Variants in GNAZ observed in about 807,000 individuals in gnomAD.
The protein encoded by GNAZ is G protein subunit alpha z.
Under a neutral mutation model 25.4 loss-of-function variants are expected in GNAZ, and 3 were observed. The ratio of observed to expected loss-of-function variants is 0.12; its 90% CI spans 0.05 to 0.30. The LOEUF is 0.30. Among genes scored for constraint, GNAZ ranks in the 10% least tolerant of loss-of-function variants. GNAZ has a pLI of 1.00. For synonymous variants in GNAZ, 211 were observed against 205.7 expected (o/e 1.03, Z -0.22); for missense variants, 241 against 501.8 (o/e 0.48, Z 4.97).
intron 1 of GNAZ, among the ~76,000 whole-genome samples, chr22:23,085,025 T>C (rs931324477): frequency 1.3e-5 from 2 of 152,132 alleles, no homozygotes; most frequent in Admixed American, 1.3e-4. Context: ...CACCTGCCAC[T>C]AGGTGGGGAG....
At chr22:23,117,027 G>A (rs769886880) in intron 2 of GNAZ, among the ~76,000 whole-genome samples, 6 of 152,152 alleles carry the variant, frequency 3.9e-5, no homozygotes, top group Admixed American at 1.3e-4. Flanking sequence ...GGATCTGTGC[G>A]CCTCAGCTCC....
Position 23,095,725 on chromosome 22 carries a change from A to G in GNAZ, c.30A>G (p.Lys10=), listed in dbSNP as rs1256269572. MGCRQSSEE[K]EAARRSRRID... is the part of the protein sequence containing the mutation. Reference sequence around the variant, plus strand: ...GATGTCGGCAAAGCTCAGAGGAAAAAGAAGCAGCCCGGCGGTCCCGGAGAA... The same window carrying G: ...GATGTCGGCAAAGCTCAGAGGAAAAGGAAGCAGCCCGGCGGTCCCGGAGAA... The change falls in exon 2 of 3, where the codon AAA becomes AAG. Residue 10 remains lysine, a synonymous_variant. Transcript: ENST00000615612. The G allele has an allele frequency of 6.2e-7, 1 of 1,610,548 alleles. No individual in the cohort carries two copies. The highest frequency in any genetic ancestry group is 8.5e-7 in the Non-Finnish European group (1 of 1,178,868).
At chr22:23,100,052 A>G (rs2069249765) in intron 2 of GNAZ, among the ~76,000 whole-genome samples, 1 of 152,262 alleles carries the variant, frequency 6.6e-6, no homozygotes, top group South Asian at 2.1e-4. Flanking sequence ...CCATTTCCCG[A>G]CGGAGCTGTC....
Position 23,079,662 on chromosome 22 carries a change from G to A in GNAZ, c.-450+9092G>A, listed in dbSNP as rs189112807. Among the ~76,000 whole-genome samples the A allele has an allele frequency of 3.9e-3, 587 of 152,310 alleles. 1 individual carries two copies. Among genetic ancestry groups the A allele is most frequent in the African/African-American group, 0.012 (485 of 41,566 alleles). On this transcript the variant is annotated intron_variant, in intron 1 of 2. Transcript: ENST00000615612. Reference sequence around the variant, plus strand: ...CTGCTGGTGGAGCACAGGGCACAGGGGGCTGGAGACAGCAAGACCAGAGAA... The same window carrying A: ...CTGCTGGTGGAGCACAGGGCACAGGAGGCTGGAGACAGCAAGACCAGAGAA...
intron 1 of GNAZ, among the ~76,000 whole-genome samples, chr22:23,077,985 G>C (rs2068552955): frequency 6.6e-6 from 1 of 152,214 alleles, no homozygotes; most frequent in Admixed American, 6.5e-5. Flanking sequence ...GCCCAGCTCT[G>C]CATGGCATGT....
chr22:23,092,411 C>T (rs998385040), intron 1 of GNAZ, among the ~76,000 whole-genome samples: 1 of 152,126 alleles, frequency 6.6e-6, no homozygotes, highest in African/African-American at 2.4e-5. Flanking sequence ...CAACACAGCC[C>T]CACAGAGCCG....
At chr22:23,104,041 G>A (rs1569177844) in intron 2 of GNAZ, among the ~76,000 whole-genome samples, 1 of 152,232 alleles carries the variant, frequency 6.6e-6, no homozygotes, top group Non-Finnish European at 1.5e-5. Flanking sequence ...GAGCAGGCCT[G>A]CACAGATTGG....
intron 1 of GNAZ, among the ~76,000 whole-genome samples, chr22:23,088,061 A>G (rs2146293000): frequency 6.6e-6 from 1 of 152,340 alleles, no homozygotes; most frequent in East Asian, 1.9e-4. Context: ...AGTTCAGCCT[A>G]CACCCAGGAA....
chr22:23,109,403 C>T (rs1182900610), intron 2 of GNAZ, among the ~76,000 whole-genome samples: 1 of 152,166 alleles, frequency 6.6e-6, no homozygotes, highest in Non-Finnish European at 1.5e-5. Flanking sequence ...GCTGCTGCTC[C>T]TCTCAGGTCT....
At chr22:23,104,541 C>T (rs974201586) in intron 2 of GNAZ, among the ~76,000 whole-genome samples, 12 of 152,216 alleles carry the variant, frequency 7.9e-5, no homozygotes, top group African/African-American at 2.4e-4. Flanking sequence ...GCTCAGTACA[C>T]ACACATGAGA....
intron 1 of GNAZ, among the ~76,000 whole-genome samples, chr22:23,093,792 C>T (rs984100820): frequency 6.6e-6 from 1 of 152,104 alleles, no homozygotes; most frequent in African/African-American, 2.4e-5. Context: ...GGGAAAGAGG[C>T]GGCATTAGAG....
Position 23,095,423 on chromosome 22 carries a change from A to C in GNAZ, c.-273A>C. Reference sequence around the variant, plus strand: ...TTCCCACCGTCGCCGAGGACAGGGAATGACTACGGCAAATCAGGCCACTTT... The same window carrying C: ...TTCCCACCGTCGCCGAGGACAGGGACTGACTACGGCAAATCAGGCCACTTT... On this transcript the variant is annotated 5_prime_UTR_variant, in exon 2 of 3. The change abolishes an upstream ATG in the 5' untranslated region. Coordinates refer to ENST00000615612, the MANE Select transcript of GNAZ (RefSeq NM_002073.4). The C allele has an allele frequency of 2.2e-6, 1 of 456,770 alleles. No individual in the cohort carries two copies. Among genetic ancestry groups the C allele is most frequent in the South Asian group, 3.1e-5 (1 of 32,120 alleles). 28.3% of individuals were successfully genotyped at this position (456,770 alleles called of 1,614,324 possible). A position where few individuals can be genotyped will look rare whatever the true frequency, so the allele number is the denominator to read the frequency against.
intron 2 of GNAZ, among the ~76,000 whole-genome samples, chr22:23,121,139 T>C (rs1418137697): frequency 2.6e-5 from 4 of 152,144 alleles, no homozygotes; most frequent in Admixed American, 6.5e-5. Flanking sequence ...CTGCTGGGGA[T>C]GAGATCTTGT....
Position 23,120,245 on chromosome 22 carries a change from A to G in GNAZ, c.724-2842A>G, listed in dbSNP as rs147074335. 2.0e-4 allele frequency among the ~76,000 whole-genome samples: 30 copies of G among 152,230 alleles called. No homozygotes were observed. In the East Asian group the frequency reaches 3.1e-3, roughly 16 times the overall value. ...TCAGCAGGGAAGCAGTTTAGACACC[A>G]TGGAAGGGGCTCCTAGTGCATTGGG... On this transcript the variant is annotated intron_variant, in intron 2 of 2. Transcript: ENST00000615612.
chr22:23,092,343 G>A (rs554852398), intron 1 of GNAZ, among the ~76,000 whole-genome samples: 4 of 152,132 alleles, frequency 2.6e-5, no homozygotes, highest in East Asian at 3.9e-4. Context: ...CCTTACATCC[G>A]TGCACAGCCC....
In GNAZ at chr22:23,123,120, T is replaced by A; in HGVS notation, c.757T>A (p.Ser253Thr). The change falls in exon 3 of 3, where the codon TCC (serine) becomes ACC (threonine). Residue 253 changes from serine (S) to threonine (T), a missense_variant. Physicochemically the swap from Ser to Thr is moderately conservative, Grantham distance 58. Coordinates refer to ENST00000615612, the MANE Select transcript of GNAZ (RefSeq NM_002073.4). The stretch of plus-strand genomic sequence containing the variant: ...GGCAGAGAGCTTGCGCCTCTTTGAC[T>A]CCATCTGCAACAACAACTGGTTCAT... ...RMAESLRLFD[S>T]ICNNNWFINT... The A allele has an allele frequency of 6.2e-7, 1 of 1,613,764 alleles. No homozygotes were observed. Among genetic ancestry groups the A allele is most frequent in the Non-Finnish European group, 8.5e-7 (1 of 1,179,720 alleles).
At chr22:23,089,538 C>T (rs2068904879) in intron 1 of GNAZ, among the ~76,000 whole-genome samples, 1 of 152,042 alleles carries the variant, frequency 6.6e-6, no homozygotes, top group South Asian at 2.1e-4. Flanking sequence ...TGCAAAGGTC[C>T]CAAGAGAGGT....
Position 23,113,773 on chromosome 22 carries a change from C to T in GNAZ, c.724-9314C>T, listed in dbSNP as rs560038269. Among the ~76,000 whole-genome samples the T allele has an allele frequency of 2.6e-5, 4 of 152,348 alleles. No homozygotes were observed. The East Asian group carries it at 5.8e-4, about 22-fold the overall frequency. On this transcript the variant is annotated intron_variant, in intron 2 of 2. Coordinates refer to ENST00000615612, the MANE Select transcript of GNAZ (RefSeq NM_002073.4). Reference sequence around the variant, plus strand: ...GGAATGCCTGTGTCCCAGACCCCCTCGGCAGCACTCAGGATGGCCCAGGCA... The same window carrying T: ...GGAATGCCTGTGTCCCAGACCCCCTTGGCAGCACTCAGGATGGCCCAGGCA...
At chr22:23,107,335 C>T (rs2146350036) in intron 2 of GNAZ, among the ~76,000 whole-genome samples, 1 of 152,284 alleles carries the variant, frequency 6.6e-6, no homozygotes, top group East Asian at 1.9e-4. Flanking sequence ...TAAAATGGGC[C>T]CCTCCCAAGC....
Sources: gnomAD v4.1 joint callset for allele counts (sites outside exome capture counted in the v4.1 genomes callset) on GRCh38, gnomAD v4.1.1 for gene constraint, MANE v1.5 for transcripts, NCBI Gene and HGNC (gene_info 2026-07-23, HGNC 2026-07-21) for gene names.